Variants in MED27 observed in about 807,000 individuals in gnomAD.
MED27 encodes the protein mediator of RNA polymerase II transcription subunit 27.
Under a neutral mutation model 38.2 loss-of-function variants are expected in MED27, and 30 were observed. The ratio of observed to expected loss-of-function variants is 0.79; its 90% CI spans 0.59 to 1.07. MED27 has a LOEUF of 1.07. Among genes scored for constraint, MED27 ranks in the 50% least tolerant of loss-of-function variants. The pLI, the probability that MED27 is intolerant of heterozygous loss-of-function variation, is 0.00. For missense variants in MED27, 289 were observed against 397.5 expected (o/e 0.73, Z 2.32); for synonymous variants, 122 against 153.5 (o/e 0.79, Z 1.52).
chr9:131,898,172 C>T (rs1314736133), intron 4 of MED27, among the ~76,000 whole-genome samples: 1 of 138,776 alleles, frequency 7.2e-6, no homozygotes, highest in African/African-American at 2.8e-5. Context: ...TATGAAAAGT[C>T]TTGCACTGGC....
intron 3 of MED27, among the ~76,000 whole-genome samples, chr9:132,012,177 G>A (rs993879227): frequency 7.9e-5 from 12 of 152,222 alleles, no homozygotes; most frequent in Middle Eastern, 3.4e-3. Context: ...TTTACTTCTC[G>A]CCAAACATCT....
chr9:132,064,325 C>T (rs779424325), intron 2 of MED27, among the ~76,000 whole-genome samples: 2 of 152,072 alleles, frequency 1.3e-5, no homozygotes, highest in Non-Finnish European at 1.5e-5. Context: ...AATCGGCCTT[C>T]GGGGATCTAG....
chr9:132,005,701 A>G (rs1054918909), intron 3 of MED27, among the ~76,000 whole-genome samples: 1 of 152,168 alleles, frequency 6.6e-6, no homozygotes, highest in African/African-American at 2.4e-5. Flanking sequence ...AAACATTCCT[A>G]TTCACACTCG....
intron 2 of MED27, among the ~76,000 whole-genome samples, chr9:132,033,062 C>T (rs1436712169): frequency 6.6e-6 from 1 of 152,192 alleles, no homozygotes; most frequent in Non-Finnish European, 1.5e-5. Flanking sequence ...ACCCCGCCAG[C>T]TAAAAGCAGC....
In MED27 at chr9:131,888,025, C is replaced by T. The variant is rs142460409; in HGVS notation, c.682-3926G>A. ...AGACATCAAAAGACCTCTTGACACA[C>T]AGGAAGAACTGGTGAAAATGGTGAC... is the stretch of plus-strand genomic sequence containing the variant. On this transcript the variant is annotated intron_variant, in intron 5 of 7. Transcript: ENST00000292035. Among the ~76,000 whole-genome samples the T allele has an allele frequency of 5.7e-3, 864 of 152,248 alleles. 5 individuals are homozygous for T. The highest frequency in any genetic ancestry group is 9.1e-3 in the Non-Finnish European group (620 of 68,010).
In MED27 at chr9:132,003,775, G is replaced by A. The variant is rs1832293508; in HGVS notation, c.479+10562C>T. Among the ~76,000 whole-genome samples the A allele has an allele frequency of 6.6e-6, 1 of 152,216 alleles. No individual in the cohort carries two copies. Among genetic ancestry groups the A allele is most frequent in the African/African-American group, 2.4e-5 (1 of 41,450 alleles). ...GTACTTTTGGGAAGGGGGGATTGGAGTATTTTAAAGTGAATCTGGTTCATC... is the reference window on the plus strand; with the variant it reads ...GTACTTTTGGGAAGGGGGGATTGGAATATTTTAAAGTGAATCTGGTTCATC... On this transcript the variant is annotated intron_variant, in intron 3 of 7. Coordinates refer to ENST00000292035, the MANE Select transcript of MED27 (RefSeq NM_004269.4). This position sits in a 1 kb window ranked among gnomAD's most constrained non-coding sequence, Gnocchi z 4.2.
intron 4 of MED27, among the ~76,000 whole-genome samples, chr9:131,932,379 A>AG (rs772588936): frequency 1.4e-3 from 58 of 41,318 alleles, no homozygotes; most frequent in Non-Finnish European, 1.8e-3. Context: ...CAGACTAATT[A>AG]GGGAAAAAAA....
intron 4 of MED27, among the ~76,000 whole-genome samples, chr9:131,905,694 A>G (rs1452987424): frequency 7.0e-5 from 8 of 113,636 alleles, no homozygotes; most frequent in African/African-American, 1.1e-4. Context: ...CAAGAGCAAG[A>G]CCTTGTCAAA....
chr9:131,885,801 G>A (rs563884655), intron 5 of MED27, among the ~76,000 whole-genome samples: 19 of 152,348 alleles, frequency 1.2e-4, no homozygotes, highest in African/African-American at 4.6e-4. Context: ...TGCTGACAGA[G>A]ACGGCTCAAG....
chr9:132,068,774 C>T (rs920642324), intron 2 of MED27, among the ~76,000 whole-genome samples: 2 of 152,088 alleles, frequency 1.3e-5, no homozygotes, highest in Non-Finnish European at 2.9e-5. Context: ...GGCAGCTGTC[C>T]AGCTGGGCCC....
intron 2 of MED27, among the ~76,000 whole-genome samples, chr9:132,050,462 C>T (rs1833440389): frequency 6.6e-6 from 1 of 152,194 alleles, no homozygotes; most frequent in African/African-American, 2.4e-5. Context: ...AATTAACAAC[C>T]TGATTTTGGC....
chr9:131,862,966 A>G lies in MED27; in HGVS notation c.801+97T>C, dbSNP rs1047149618. The G allele has an allele frequency of 2.9e-6, 3 of 1,050,056 alleles. No individual in the cohort carries two copies. The highest frequency in any genetic ancestry group is 4.3e-6 in the Non-Finnish European group (3 of 699,296). 65.0% of individuals were successfully genotyped at this position (1,050,056 alleles called of 1,614,324 possible). A position where few individuals can be genotyped will look rare whatever the true frequency, so the allele number is the denominator to read the frequency against. ...CCCCATCTCCCACTGGGAGGCCCTC[A>G]AAGTCTGAAGATGCAACGGCTGCCC... On this transcript the variant is annotated intron_variant, in intron 7 of 7. Transcript: ENST00000292035. The surrounding 1 kb of genome is among the most constrained non-coding windows in gnomAD (Gnocchi z 4.6).
At chr9:131,942,937 A>G (rs1382469883) in intron 3 of MED27, among the ~76,000 whole-genome samples, 2 of 152,206 alleles carry the variant, frequency 1.3e-5, no homozygotes, top group East Asian at 3.9e-4. Flanking sequence ...CAATGGCAGA[A>G]GAAAAATAAG....
chr9:131,947,691 C>A (rs1589227749), intron 3 of MED27, among the ~76,000 whole-genome samples: 2 of 151,420 alleles, frequency 1.3e-5, no homozygotes, highest in East Asian at 1.9e-4. Context: ...AAAAAAAAAA[C>A]ACACACACAC....
In MED27 at chr9:131,862,112, C is replaced by T. The variant is rs1485245170; in HGVS notation, c.801+951G>A. ...TGAGCACCTGGCTGTGTTGTGCCCACTCTGCCAGCATCATGAAGCCAATCA... is the reference window on the plus strand; with the variant it reads ...TGAGCACCTGGCTGTGTTGTGCCCATTCTGCCAGCATCATGAAGCCAATCA... On this transcript the variant is annotated intron_variant, in intron 7 of 7. Transcript: ENST00000292035. This position sits in a 1 kb window ranked among gnomAD's most constrained non-coding sequence, Gnocchi z 4.6. 1.3e-5 allele frequency among the ~76,000 whole-genome samples: 2 copies of T among 152,244 alleles called. No homozygotes were observed. Among genetic ancestry groups the T allele is most frequent in the Admixed American group, 6.5e-5 (1 of 15,282 alleles).
Position 132,079,707 on chromosome 9 carries a change from C to A in MED27, c.138G>T (p.Glu46Asp), listed in dbSNP as rs1834132238. ...KDGMRNKETL[E>D]GREKAFIAHF... ...GCGCAATAAAGGCCTTCTCCCGGCCCTCCAGCGTCTCCTTGTTCCGCATCC... is the reference window on the plus strand; with the variant it reads ...GCGCAATAAAGGCCTTCTCCCGGCCATCCAGCGTCTCCTTGTTCCGCATCC... The change falls in exon 1 of 8, where the codon GAG (glutamate) becomes GAT (aspartate). Residue 46 changes from glutamate (E) to aspartate (D), a missense_variant. Glu to Asp is a conservative substitution (Grantham distance 45). Transcript: ENST00000292035. The A allele has an allele frequency of 6.2e-7, 1 of 1,613,658 alleles. No homozygotes were observed. Among genetic ancestry groups the A allele is most frequent in the Non-Finnish European group, 8.5e-7 (1 of 1,179,904 alleles).
intron 3 of MED27, among the ~76,000 whole-genome samples, chr9:131,988,437 A>G (rs1317876891): frequency 1.3e-5 from 2 of 152,230 alleles, no homozygotes; most frequent in Non-Finnish European, 2.9e-5. Flanking sequence ...CAGCAAGACC[A>G]ACCCCTCCTT....
chr9:131,891,308 A>G (rs1259022042), intron 5 of MED27, among the ~76,000 whole-genome samples: 1 of 152,250 alleles, frequency 6.6e-6, no homozygotes, highest in Non-Finnish European at 1.5e-5. Flanking sequence ...ATGATGCCAG[A>G]TGAAGTCAGA....
intron 2 of MED27, among the ~76,000 whole-genome samples, chr9:132,063,337 G>A (rs1833739518): frequency 6.6e-6 from 1 of 152,288 alleles, no homozygotes; most frequent in African/African-American, 2.4e-5. Context: ...ATCACTACGT[G>A]ACTGAGAAGG....
Sources: allele counts gnomAD v4.1 joint callset (sites outside exome capture counted in the v4.1 genomes callset), GRCh38; gene constraint gnomAD v4.1.1; non-coding constraint Gnocchi (gnomAD v3.1); transcripts MANE v1.5; gene names NCBI Gene and HGNC (gene_info 2026-07-23, HGNC 2026-07-21).